CLVS1: variants seen among roughly 807,000 people sequenced by gnomAD.
The protein encoded by CLVS1 is clavesin 1, also known as clavesin-1.
Under a neutral mutation model 33.1 loss-of-function variants are expected in CLVS1, and 10 were observed. The observed-to-expected ratio is 0.30, with a 90% CI of 0.19 to 0.51. The LOEUF (loss-of-function observed/expected upper bound fraction) is 0.51. Ranked by LOEUF, CLVS1 falls within the 20% of genes least tolerant of loss-of-function variation. CLVS1 has a pLI of 0.97. For synonymous variants in CLVS1, 163 were observed against 166.1 expected, an observed-to-expected ratio of 0.98 and a Z score of 0.14; for missense variants, 343 against 433.4, an observed-to-expected ratio of 0.79 and a Z score of 1.85.
chr8:61,036,209 A>G, the CLVS1 span, among the ~76,000 whole-genome samples: 2 of 152,248 alleles, frequency 1.3e-5, no homozygotes, highest in Non-Finnish European at 2.9e-5. Context: ...CTACCTACCA[A>G]GGAAAGAGAA....
At position 61,323,792 on chromosome 8, in the gene CLVS1, G is replaced by A. The variant is rs1010005738; in HGVS notation, c.455+23510G>A. Among the ~76,000 whole-genome samples the A allele has an allele frequency of 3.3e-5, 5 of 151,938 alleles. No individual in the cohort carries two copies. The East Asian group carries it at 7.7e-4, about 23-fold the overall frequency. Reference sequence around the variant, plus strand: ...CTAGTACCCATTAGTCAGTTTTCTGGCCCTCTCTCTCCTCCTGCACTCCAC... The same window carrying A: ...CTAGTACCCATTAGTCAGTTTTCTGACCCTCTCTCTCCTCCTGCACTCCAC... On this transcript the variant is annotated intron_variant, in intron 2 of 5. Transcript: ENST00000325897.
At chr8:60,992,904 G>T in the CLVS1 span, among the ~76,000 whole-genome samples, 3 of 152,198 alleles carry the variant, frequency 2.0e-5, no homozygotes, top group Admixed American at 6.5e-5. Context: ...CATTAGGGAA[G>T]GTCATGGAAG....
At chr8:61,281,379 T>C (rs1332928116) in intron 2 of CLVS1, among the ~76,000 whole-genome samples, 1 of 152,106 alleles carries the variant, frequency 6.6e-6, no homozygotes, top group East Asian at 1.9e-4. Context: ...TTAAATGAGG[T>C]CATAAGGGTG....
At chr8:61,250,800 T>C (rs939223944) in intron 2 of CLVS1, among the ~76,000 whole-genome samples, 10 of 152,200 alleles carry the variant, frequency 6.6e-5, no homozygotes, top group Admixed American at 6.5e-4. Flanking sequence ...GCTTATCAGC[T>C]TAAGGAGATT....
intron 2 of CLVS1, among the ~76,000 whole-genome samples, chr8:61,303,474 CT>C (rs531419176): frequency 6.9e-4 from 105 of 152,290 alleles, no homozygotes; most frequent in African/African-American, 2.5e-3. Flanking sequence ...TGGGAAGGGA[CT>C]TAAAAATTCA....
At chr8:61,483,834 C>T (rs923141006) in intron 5 of CLVS1, among the ~76,000 whole-genome samples, 1 of 152,106 alleles carries the variant, frequency 6.6e-6, no homozygotes, top group African/African-American at 2.4e-5. Context: ...ATAAACAGAA[C>T]CAAAGACAAA....
At position 61,501,388 on chromosome 8, in the gene CLVS1, T is replaced by C. The variant is rs1267785226; in HGVS notation, c.*1846T>C. On this transcript the variant is annotated 3_prime_UTR_variant, in exon 6 of 6. Transcript: ENST00000325897. ...TTAGAACCTTACTGTAGTGACCTGATTTTAAATACCATATTATATTTACTA... is the reference window on the plus strand; with the variant it reads ...TTAGAACCTTACTGTAGTGACCTGACTTTAAATACCATATTATATTTACTA... 14 of 152,304 alleles carry C rather than the reference T, an allele frequency of 9.2e-5. No homozygotes were observed. In the South Asian group the frequency reaches 2.3e-3, roughly 25 times the overall value. The allele number at this position is 152,304 out of a possible 1,614,324, so 9.4% of individuals were successfully genotyped here. A position where few individuals can be genotyped will look rare whatever the true frequency, so the allele number is the denominator to read the frequency against.
intron 2 of CLVS1, among the ~76,000 whole-genome samples, chr8:61,269,414 C>T (rs1333127718): frequency 1.3e-5 from 2 of 152,016 alleles, no homozygotes; most frequent in African/African-American, 4.8e-5. Flanking sequence ...GTTTTGGTTA[C>T]TGTAGCCTTG....
At chr8:61,387,428 C>T (rs1486328298) in intron 3 of CLVS1, among the ~76,000 whole-genome samples, 2 of 149,366 alleles carry the variant, frequency 1.3e-5, no homozygotes, top group East Asian at 2.0e-4. Context: ...AATTGTTAGC[C>T]CTTTATAGCC....
chr8:61,078,763 A>G (rs528347038), intron 1 of CLVS1, among the ~76,000 whole-genome samples: 1 of 152,340 alleles, frequency 6.6e-6, no homozygotes, highest in African/African-American at 2.4e-5. Context: ...GAGTTTGCCT[A>G]TTAGCTCTCC....
intron 1 of CLVS1, among the ~76,000 whole-genome samples, chr8:61,298,459 G>A (rs923865229): frequency 1.3e-4 from 20 of 151,796 alleles, no homozygotes; most frequent in Middle Eastern, 3.4e-3. Flanking sequence ...TATCTCCTCC[G>A]TATCCAAAGA....
In CLVS1 at chr8:61,353,770, A is replaced by C. The variant is rs113509409; in HGVS notation, c.456-22835A>C. Among the ~76,000 whole-genome samples the C allele has an allele frequency of 5.1e-3, 780 of 151,926 alleles. 4 individuals carry two copies. Among genetic ancestry groups the C allele is most frequent in the African/African-American group, 0.017 (713 of 41,524 alleles). On this transcript the variant is annotated intron_variant, in intron 2 of 5. Transcript: ENST00000325897. ...AAAAATCCATGAAAGTGAAATTAGG[A>C]AAACAAATAGAAAATCCATGCAAAA...
At chr8:61,379,270 A>ACC (rs1813770150) in intron 3 of CLVS1, among the ~76,000 whole-genome samples, 1 of 152,154 alleles carries the variant, frequency 6.6e-6, no homozygotes, top group East Asian at 1.9e-4. Flanking sequence ...GTGCTAGGCC[A>ACC]TCTGGTTTGG....
chr8:61,480,299 A>C (rs1818136848), intron 5 of CLVS1, among the ~76,000 whole-genome samples: 2 of 152,182 alleles, frequency 1.3e-5, no homozygotes, highest in East Asian at 3.9e-4. Context: ...CCCCTCCCCC[A>C]GCCTCGCTGC....
At chr8:61,425,477 T>G (rs1304415760) in intron 3 of CLVS1, among the ~76,000 whole-genome samples, 3 of 152,178 alleles carry the variant, frequency 2.0e-5, no homozygotes, top group African/African-American at 7.2e-5. Context: ...GCCACAAAAT[T>G]CACCCATTTA....
chr8:61,182,832 A>G (rs543468969), intron 2 of CLVS1, among the ~76,000 whole-genome samples: 94 of 152,332 alleles, frequency 6.2e-4, no homozygotes, highest in Middle Eastern at 3.4e-3. Flanking sequence ...ATTCTACTAT[A>G]AAGATACATG....
chr8:61,379,578 T>C (rs1263595596), intron 3 of CLVS1, among the ~76,000 whole-genome samples: 1 of 152,172 alleles, frequency 6.6e-6, no homozygotes, highest in Non-Finnish European at 1.5e-5. Flanking sequence ...TAGTTCTCCA[T>C]AAAGACAGTT....
chr8:61,038,953 C>T, the CLVS1 span, among the ~76,000 whole-genome samples: 3 of 152,140 alleles, frequency 2.0e-5, no homozygotes, highest in African/African-American at 7.2e-5. Context: ...ATGTCACCCA[C>T]ATTTTTTTTT....
At chr8:61,207,477 C>T (rs2129306520) in intron 2 of CLVS1, among the ~76,000 whole-genome samples, 1 of 152,198 alleles carries the variant, frequency 6.6e-6, no homozygotes, top group Non-Finnish European at 1.5e-5. Flanking sequence ...TTCACAGACT[C>T]TTTTCAGACT....
Sources: gnomAD v4.1 joint callset for allele counts (sites outside exome capture counted in the v4.1 genomes callset) on GRCh38, gnomAD v4.1.1 for gene constraint, MANE v1.5 for transcripts, NCBI Gene and HGNC (gene_info 2026-07-23, HGNC 2026-07-21) for gene names.